The following TBC1D8B variants were observed in gnomAD, a reference collection of about 807,000 sequenced individuals.
TBC1D8B encodes RP11-321G1.1.
A neutral mutation model predicts 82.9 loss-of-function variants in TBC1D8B; 75 were observed. The observed-to-expected ratio is 0.90, with a 90% confidence interval of 0.75 to 1.10. The LOEUF is 1.10. Among genes scored for constraint, TBC1D8B ranks in the 50% least tolerant of loss-of-function variants. The probability of loss-of-function intolerance (pLI) is 0.00; values close to 1 mark genes in which losing one functional copy is unlikely to be tolerated. For synonymous variants in TBC1D8B, 276 were observed against 276.8 expected, an observed-to-expected ratio of 1.00 and a Z score of 0.03; for missense variants, 794 against 796.9, an observed-to-expected ratio of 1.00 and a Z score of 0.04.
intron 1 of TBC1D8B, among the ~76,000 whole-genome samples, chrX:106,805,424 C>T (rs1309284702): frequency 9.0e-6 from 1 of 110,693 alleles, no homozygotes; most frequent in Admixed American, 9.6e-5. Context: ...GGACCAACTG[C>T]ACTAGTTTAC....
At chrX:106,855,854 C>G (rs1459206245) in intron 14 of TBC1D8B, among the ~76,000 whole-genome samples, 2 of 111,235 alleles carry the variant, frequency 1.8e-5, no homozygotes, top group East Asian at 2.8e-4. Context: ...CCCACATTCT[C>G]ACTAACACCA....
chrX:106,833,237 AT>A (rs1932086300), intron 7 of TBC1D8B, among the ~76,000 whole-genome samples: 1 of 111,485 alleles, frequency 9.0e-6, no homozygotes, highest in African/African-American at 3.3e-5. Context: ...CCATATGATA[AT>A]TGTAAAATCA....
At chrX:106,809,895 A>AG (rs1931315272) in intron 1 of TBC1D8B, among the ~76,000 whole-genome samples, 1 of 110,153 alleles carries the variant, frequency 9.1e-6, no homozygotes. Flanking sequence ...AAAAAAAAAA[A>AG]AAAAAAAAAG....
At chrX:106,816,722 A>G (rs1223369458) in intron 1 of TBC1D8B, among the ~76,000 whole-genome samples, 6 of 111,274 alleles carry the variant, frequency 5.4e-5, no homozygotes, top group African/African-American at 1.6e-4. Flanking sequence ...TGCCCTATCA[A>G]AATCCTCAGA....
chrX:106,855,783 A>T (rs187414019), intron 14 of TBC1D8B, among the ~76,000 whole-genome samples: 5 of 111,936 alleles, frequency 4.5e-5, no homozygotes, highest in African/African-American at 1.6e-4. Context: ...CTGCCAAATT[A>T]TGCTTCAAAA....
intron 7 of TBC1D8B, chrX:106,829,707 T>C (rs1248555848): frequency 9.1e-6 from 1 of 110,405 alleles, no homozygotes; most frequent in Non-Finnish European, 1.9e-5. Context: ...GATTCCCTAT[T>C]TAATAAATGG....
intron 8 of TBC1D8B, 36 bp from the exon 9 acceptor site, chrX:106,840,012 C>T: frequency 8.7e-7 from 1 of 1,148,520 alleles, no homozygotes; most frequent in Non-Finnish European, 1.2e-6. Flanking sequence ...TAATTTCTCA[C>T]TAAATTTAGT....
chrX:106,871,268 TC>T (rs1932846640), intron 20 of TBC1D8B, among the ~76,000 whole-genome samples: 1 of 110,858 alleles, frequency 9.0e-6, no homozygotes, highest in African/African-American at 3.3e-5. Context: ...AATATGTTCT[TC>T]TTTTTGTAAT....
chrX:106,842,414 G>C (rs1422061590), intron 10 of TBC1D8B, among the ~76,000 whole-genome samples: 2 of 111,071 alleles, frequency 1.8e-5, no homozygotes, highest in Non-Finnish European at 3.8e-5. Context: ...TACCATTCAG[G>C]TGAGAATAAG....
At chrX:106,838,540 A>C (rs1156406455) in intron 7 of TBC1D8B, among the ~76,000 whole-genome samples, 2 of 111,675 alleles carry the variant, frequency 1.8e-5, no homozygotes. Flanking sequence ...TTTCCTAGGC[A>C]TGTTCACAGC....
chrX:106,812,199 G>A (rs1213979020), intron 1 of TBC1D8B, among the ~76,000 whole-genome samples: 1 of 111,754 alleles, frequency 8.9e-6, no homozygotes, highest in Non-Finnish European at 1.9e-5. Context: ...CTTACATCTG[G>A]TAGCAAAGTA....
At chrX:106,834,623 G>A (rs1932126964) in intron 7 of TBC1D8B, among the ~76,000 whole-genome samples, 1 of 111,849 alleles carries the variant, frequency 8.9e-6, no homozygotes, top group African/African-American at 3.3e-5. Flanking sequence ...CCACCTATAA[G>A]CCTGTAAAAT....
At chrX:106,835,150 T>G (rs1932143573) in intron 7 of TBC1D8B, among the ~76,000 whole-genome samples, 1 of 112,606 alleles carries the variant, frequency 8.9e-6, no homozygotes, top group Admixed American at 9.3e-5. Flanking sequence ...ATCCAGGCAT[T>G]TCCATACATC....
intron 7 of TBC1D8B, chrX:106,828,268 A>G (rs1269373140): frequency 8.8e-6 from 1 of 114,173 alleles, no homozygotes; most frequent in African/African-American, 3.2e-5. Flanking sequence ...GAATAGACCA[A>G]TAACAGGAGC....
chrX:106,855,674 C>T (rs904857296), intron 14 of TBC1D8B, among the ~76,000 whole-genome samples: 5 of 111,869 alleles, frequency 4.5e-5, no homozygotes, highest in African/African-American at 1.3e-4. Context: ...ACAAATAATA[C>T]TTTATGTAAA....
At chrX:106,821,067 T>G (rs1213996277) in intron 3 of TBC1D8B, 72 bp downstream of exon 3, 9 of 554,214 alleles carry the variant, frequency 1.6e-5, no homozygotes, top group Non-Finnish European at 2.6e-5. Flanking sequence ...GATCAAAGTT[T>G]GCATGGAAGG....
At chrX:106,839,758 G>T (rs1466124286) in intron 8 of TBC1D8B, among the ~76,000 whole-genome samples, 1 of 111,870 alleles carries the variant, frequency 8.9e-6, no homozygotes, top group Non-Finnish European at 1.9e-5. Context: ...ATGTGATTTG[G>T]GGAGAATGAT....
At chrX:106,829,019 G>A (rs773442262) in intron 7 of TBC1D8B, 2 of 107,600 alleles carry the variant, frequency 1.9e-5, no homozygotes, top group Admixed American at 9.8e-5. Context: ...GTTTGCAGAC[G>A]ACATGATTGT....
At chrX:106,819,604 C>A (rs1442805504) in intron 2 of TBC1D8B, among the ~76,000 whole-genome samples, 1 of 110,656 alleles carries the variant, frequency 9.0e-6, no homozygotes, top group Non-Finnish European at 1.9e-5. Flanking sequence ...ATATAGCATA[C>A]AATTAATTTT....
Sources: gnomAD v4.1 joint callset for allele counts (sites outside exome capture counted in the v4.1 genomes callset) on GRCh38, gnomAD v4.1.1 for gene constraint, MANE v1.5 for transcripts, NCBI Gene and HGNC (gene_info 2026-07-23, HGNC 2026-07-21) for gene names.